Variants in OSBPL9 observed in about 807,000 individuals in gnomAD.
OSBPL9 encodes the protein oxysterol binding protein like 9, also known as oxysterol-binding protein-related protein 9.
Under a neutral mutation model 106.6 loss-of-function variants are expected in OSBPL9, and 40 were observed. That is an observed-to-expected ratio of 0.38 (90% CI 0.29 to 0.49). The LOEUF (loss-of-function observed/expected upper bound fraction) is 0.49, where lower values mean the gene tolerates loss of function less well. OSBPL9 is among the 20% of genes least tolerant of loss of function. The pLI, the probability that OSBPL9 is intolerant of heterozygous loss-of-function variation, is 0.97. For synonymous variants in OSBPL9, 269 were observed against 295.4 expected, an observed-to-expected ratio of 0.91 and a Z score of 0.92; for missense variants, 609 against 887.2, an observed-to-expected ratio of 0.69 and a Z score of 3.98.
chr1:51,645,220 A>G (rs1014879290), intron 1 of OSBPL9, among the ~76,000 whole-genome samples: 4 of 152,222 alleles, frequency 2.6e-5, no homozygotes, highest in Non-Finnish European at 5.9e-5. Flanking sequence ...CACAAGATGC[A>G]CTAAGACAAT....
intron 13 of OSBPL9, 112 bp downstream of exon 13, chr1:51,772,294 T>C (rs1674088115): frequency 2.4e-6 from 2 of 842,948 alleles, no homozygotes; most frequent in Non-Finnish European, 3.7e-6. Context: ...GGCAGATCAC[T>C]TGAGGTCCGG....
intron 12 of OSBPL9, among the ~76,000 whole-genome samples, chr1:51,768,873 G>A (rs1457334976): frequency 2.6e-5 from 4 of 152,158 alleles, no homozygotes; most frequent in Non-Finnish European, 5.9e-5. Flanking sequence ...CTCTTTGAAA[G>A]GGTCCAGAGT....
At chr1:51,541,788 C>T in the OSBPL9 span, among the ~76,000 whole-genome samples, 5 of 152,216 alleles carry the variant, frequency 3.3e-5, no homozygotes, top group Non-Finnish European at 5.9e-5. Context: ...CCAGTAGTTG[C>T]TCTCTGGGAG....
the OSBPL9 span, among the ~76,000 whole-genome samples, chr1:51,543,663 G>A: frequency 5.3e-5 from 8 of 152,180 alleles, no homozygotes; most frequent in African/African-American, 1.7e-4. Context: ...CCAAAGTGCT[G>A]GGATTACAGG....
intron 1 of OSBPL9, among the ~76,000 whole-genome samples, chr1:51,590,489 G>A (rs1242275607): frequency 1.3e-5 from 2 of 151,158 alleles, no homozygotes; most frequent in Non-Finnish European, 3.0e-5. Context: ...GCGTAGTGGC[G>A]GGCACCTGTA....
At chr1:51,652,155 G>T (rs1646555632) in intron 2 of OSBPL9, 114 bp downstream of exon 2, 1 of 723,826 alleles carries the variant, frequency 1.4e-6, no homozygotes, top group Admixed American at 3.1e-5. Context: ...GTTGGGGCAG[G>T]TATCTAAGTC....
the OSBPL9 span, among the ~76,000 whole-genome samples, chr1:51,551,179 C>T: frequency 6.6e-6 from 1 of 152,156 alleles, no homozygotes; most frequent in African/African-American, 2.4e-5. Flanking sequence ...TTGTACCAAC[C>T]TCATGAATAT....
chr1:51,771,107 A>G (rs1265708242), intron 12 of OSBPL9, among the ~76,000 whole-genome samples: 2 of 152,210 alleles, frequency 1.3e-5, no homozygotes, highest in Non-Finnish European at 2.9e-5. Flanking sequence ...CAGTTTTGCC[A>G]TGAACCTAAA....
intron 3 of OSBPL9, among the ~76,000 whole-genome samples, chr1:51,694,584 A>G (rs1182567864): frequency 6.6e-6 from 1 of 152,236 alleles, no homozygotes; most frequent in Non-Finnish European, 1.5e-5. Context: ...TTTTTATTAC[A>G]TTAAAATCCA....
intron 1 of OSBPL9, among the ~76,000 whole-genome samples, chr1:51,650,500 A>C (rs896525753): frequency 1.7e-4 from 25 of 151,496 alleles, no homozygotes; most frequent in African/African-American, 5.8e-4. Context: ...TTAGTAAAGA[A>C]CTCTTTTCAA....
At chr1:51,727,131 C>CTTTTT (rs34741660) in intron 4 of OSBPL9, among the ~76,000 whole-genome samples, 30 of 107,320 alleles carry the variant, frequency 2.8e-4, no homozygotes, top group African/African-American at 9.6e-4. Context: ...GAGATGTAGG[C>CTTTTT]TTTTTTTTTT....
At chr1:51,633,114 G>A (rs1156881250) in intron 1 of OSBPL9, among the ~76,000 whole-genome samples, 2 of 151,818 alleles carry the variant, frequency 1.3e-5, no homozygotes, top group Non-Finnish European at 1.5e-5. Context: ...TCGCCACCAC[G>A]CCTGGCTAAT....
chr1:51,724,284 C>CT (rs939256499), intron 4 of OSBPL9, among the ~76,000 whole-genome samples: 17 of 151,812 alleles, frequency 1.1e-4, no homozygotes, highest in Non-Finnish European at 2.1e-4. Context: ...TTCCACTTTT[C>CT]TTTTTTTTCT....
intron 1 of OSBPL9, among the ~76,000 whole-genome samples, chr1:51,579,109 G>A (rs1645204475): frequency 6.7e-6 from 1 of 150,288 alleles, no homozygotes; most frequent in East Asian, 2.0e-4. Context: ...AGGCTGGAGT[G>A]CAGTGGTCCA....
the OSBPL9 span, among the ~76,000 whole-genome samples, chr1:51,549,925 TTCAC>T: frequency 7.1e-3 from 1,077 of 152,340 alleles, 8 homozygotes; most frequent in African/African-American, 0.025. Flanking sequence ...GTAATAGATA[TTCAC>T]TCACTCATTC....
the OSBPL9 span, among the ~76,000 whole-genome samples, chr1:51,544,929 C>T: frequency 6.8e-6 from 1 of 147,396 alleles, no homozygotes; most frequent in Admixed American, 7.0e-5. Flanking sequence ...CTGCAACATC[C>T]ACCTCCCAGG....
the OSBPL9 span, among the ~76,000 whole-genome samples, chr1:51,547,686 A>G: frequency 6.6e-6 from 1 of 152,110 alleles, no homozygotes; most frequent in Non-Finnish European, 1.5e-5. Context: ...TCTACTAAAA[A>G]TACAAAAATT....
intron 3 of OSBPL9, among the ~76,000 whole-genome samples, chr1:51,706,833 A>G (rs908519462): frequency 3.3e-5 from 5 of 151,990 alleles, no homozygotes; most frequent in African/African-American, 1.2e-4. Flanking sequence ...TTCCTGACCT[A>G]TGGATTATTT....
chr1:51,712,913 T>TA (rs1351260032), intron 3 of OSBPL9, among the ~76,000 whole-genome samples: 5 of 152,240 alleles, frequency 3.3e-5, no homozygotes, highest in Admixed American at 6.5e-5. Context: ...CTGGCGTCAC[T>TA]AAAAATCTGT....
Sources: gnomAD v4.1 joint callset for allele counts (sites outside exome capture counted in the v4.1 genomes callset) on GRCh38, gnomAD v4.1.1 for gene constraint, MANE v1.5 for transcripts, NCBI Gene and HGNC (gene_info 2026-07-23, HGNC 2026-07-21) for gene names.